The following CRYAB variants were observed in gnomAD, a reference collection of about 807,000 sequenced individuals.
The protein encoded by CRYAB is alpha-crystallin B chain.
CRYAB carries 9 observed loss-of-function variants against 12.7 expected under a neutral mutation model. The observed-to-expected ratio is 0.71, with a 90% CI of 0.43 to 1.24. CRYAB has a LOEUF of 1.24. CRYAB is among the 50% of genes most tolerant of loss of function. CRYAB has a pLI of 0.00. For synonymous variants in CRYAB, 93 were observed against 86.8 expected (o/e 1.07, Z -0.40); for missense variants, 183 against 226.6 (o/e 0.81, Z 1.24).
upstream of CRYAB, among the ~76,000 whole-genome samples, chr11:111,915,687 T>C (rs1230785928): frequency 1.3e-5 from 2 of 152,230 alleles, no homozygotes; most frequent in Non-Finnish European, 2.9e-5. Flanking sequence ...ATCAACTTAT[T>C]CGGGGACATT....
upstream of CRYAB, chr11:111,911,956 G>A (rs541974407): frequency 9.5e-5 from 52 of 544,520 alleles, no homozygotes; most frequent in South Asian, 1.1e-3. Context: ...CGTCTGAGCC[G>A]GCCAGTGACT....
intron 1 of CRYAB, among the ~76,000 whole-genome samples, chr11:111,923,147 A>G (rs1343334371): frequency 4.1e-4 from 63 of 152,216 alleles, no homozygotes; most frequent in Admixed American, 4.1e-3. Context: ...GAATTAGAAG[A>G]TTATCTCGTT....
chr11:111,920,624 C>T (rs782017892), intron 1 of CRYAB, among the ~76,000 whole-genome samples: 3 of 151,390 alleles, frequency 2.0e-5, no homozygotes, highest in South Asian at 2.1e-4. Flanking sequence ...ATTAGCTAGG[C>T]GTGGTGGTGC....
At chr11:111,917,186 T>C (rs1162008248), upstream of CRYAB, among the ~76,000 whole-genome samples, 1 of 152,182 alleles carries the variant, frequency 6.6e-6, no homozygotes, top group African/African-American at 2.4e-5. Flanking sequence ...TAGGTGCTTT[T>C]TAAAACATTA....
At chr11:111,909,142 G>C (rs1555165293) in intron 2 of CRYAB, 175 bp from the exon 3 acceptor site, 1 of 699,912 alleles carries the variant, frequency 1.4e-6, no homozygotes, top group African/African-American at 1.7e-5. Context: ...TGCCTAGGTA[G>C]TCACTCCTAC....
At chr11:111,916,603 C>A (rs1965601155), upstream of CRYAB, among the ~76,000 whole-genome samples, 1 of 152,204 alleles carries the variant, frequency 6.6e-6, no homozygotes, top group African/African-American at 2.4e-5. Flanking sequence ...AACATACTGC[C>A]TTTTGACAAC....
upstream of CRYAB, among the ~76,000 whole-genome samples, chr11:111,915,883 C>T (rs1043600609): frequency 2.0e-5 from 3 of 152,162 alleles, no homozygotes; most frequent in African/African-American, 7.2e-5. Context: ...GCTGGGACTA[C>T]AGGTGTGTGC....
chr11:111,920,154 C>T (rs1361493775), intron 1 of CRYAB, among the ~76,000 whole-genome samples: 1 of 151,930 alleles, frequency 6.6e-6, no homozygotes, highest in African/African-American at 2.4e-5. Context: ...GAGATTGCAC[C>T]ACTGCACTCC....
chr11:111,916,060 C>G (rs782245066), upstream of CRYAB, among the ~76,000 whole-genome samples: 5 of 151,934 alleles, frequency 3.3e-5, no homozygotes, highest in East Asian at 9.7e-4. Flanking sequence ...TCTTTTTGGT[C>G]TTAACTGACT....
Position 111,908,865 on chromosome 11 carries a change from G to C in CRYAB, c.427C>G (p.Leu143Val), listed in dbSNP as rs782629197. Reference sequence around the variant, plus strand: ...TGTTTCCTTGGTCCATTCACAGTGAGGACCCCATCAGATGACAGGGATGAA... The same window carrying C: ...TGTTTCCTTGGTCCATTCACAGTGACGACCCCATCAGATGACAGGGATGAA... ...ITSSLSSDGV[L>V]TVNGPRKQVS... Residue 143 changes from leucine (L) to valine (V), a missense_variant, in exon 3 of 3, where the codon CTC (leucine) becomes GTC (valine). By Grantham distance (32) the Leu-to-Val change is conservative. Transcript: ENST00000650687. 6.2e-7 allele frequency: 1 copy of C among 1,614,098 alleles called. No individual in the cohort carries two copies. Among genetic ancestry groups the C allele is most frequent in the Admixed American group, 1.7e-5 (1 of 60,028 alleles).
At chr11:111,910,164 T>C (rs1555165371) in intron 2 of CRYAB, 163 bp downstream of exon 2, 2 of 844,790 alleles carry the variant, frequency 2.4e-6, no homozygotes, top group South Asian at 2.8e-5. Context: ...CAGCAATATG[T>C]CTATCCTAAC....
chr11:111,917,172 T>G (rs1408676503), upstream of CRYAB, among the ~76,000 whole-genome samples: 2 of 152,224 alleles, frequency 1.3e-5, no homozygotes, highest in Non-Finnish European at 2.9e-5. Context: ...TAAACCCAGC[T>G]GCTTAGGTGC....
chr11:111,913,043 AC>A (rs1376343824), upstream of CRYAB: 3 of 677,126 alleles, frequency 4.4e-6, no homozygotes, highest in African/African-American at 4.1e-5. Context: ...GGGACCAGCC[AC>A]CCCCCACCCC....
At position 111,908,986 on chromosome 11, in the gene CRYAB, G is replaced by A. The variant is rs781840589; in HGVS notation, c.325-19C>T. 6.2e-7 allele frequency: 1 copy of A among 1,613,242 alleles called. No individual in the cohort carries two copies. Among genetic ancestry groups the A allele is most frequent in the Non-Finnish European group, 8.5e-7 (1 of 1,179,418 alleles). ...GTTCATCCTAACCCAAAAGAATGAGGAAAGAGGCAGAGAGATAAGAACAGG... is the reference window on the plus strand; with the variant it reads ...GTTCATCCTAACCCAAAAGAATGAGAAAAGAGGCAGAGAGATAAGAACAGG... On this transcript the variant is annotated intron_variant, in intron 2 of 2. Coordinates refer to ENST00000650687, the MANE Select transcript of CRYAB (RefSeq NM_001289808.2).
At chr11:111,913,123 C>T, upstream of CRYAB, 1 of 620,268 alleles carries the variant, frequency 1.6e-6, no homozygotes, top group Non-Finnish European at 2.9e-6. Flanking sequence ...ACACTTGGTG[C>T]TTGCAGTGCT....
chr11:111,913,030 C>T (rs1965519905), upstream of CRYAB: 2 of 804,332 alleles, frequency 2.5e-6, no homozygotes, highest in Non-Finnish European at 4.1e-6. Context: ...TAACTGATCT[C>T]CTGGGACCAG....
At chr11:111,916,322 C>T (rs181700578), upstream of CRYAB, among the ~76,000 whole-genome samples, 1 of 151,996 alleles carries the variant, frequency 6.6e-6, no homozygotes, top group Non-Finnish European at 1.5e-5. Flanking sequence ...CCTCCTCCTC[C>T]TGGGCTCAAG....
upstream of CRYAB, among the ~76,000 whole-genome samples, chr11:111,916,473 T>C (rs1965599452): frequency 6.6e-6 from 1 of 152,226 alleles, no homozygotes; most frequent in Admixed American, 6.5e-5. Context: ...TCTGCCCACC[T>C]CGGCCTCCCA....
upstream of CRYAB, among the ~76,000 whole-genome samples, chr11:111,917,204 G>A (rs1482110132): frequency 6.6e-6 from 1 of 152,024 alleles, no homozygotes; most frequent in African/African-American, 2.4e-5. Context: ...TTACAGAAGG[G>A]GTGACTAAAA....
Sources: allele counts gnomAD v4.1 joint callset (sites outside exome capture counted in the v4.1 genomes callset), GRCh38; gene constraint gnomAD v4.1.1; transcripts MANE v1.5; gene names NCBI Gene and HGNC (gene_info 2026-07-23, HGNC 2026-07-21).